Variants in DLGAP2 observed in about 807,000 individuals in gnomAD.
The protein encoded by DLGAP2 is disks large-associated protein 2.
DLGAP2 carries 26 observed loss-of-function variants against 100.3 expected under a neutral mutation model. That is an observed-to-expected ratio of 0.26 (90% CI 0.19 to 0.36). The LOEUF is 0.36. Ranked by LOEUF, DLGAP2 falls within the 10% of genes least tolerant of loss-of-function variation. The pLI is 1.00. For missense variants in DLGAP2, 1,858 were observed against 1,453.2 expected (o/e 1.28, Z -4.53); for synonymous variants, 886 against 630.1 (o/e 1.41, Z -6.08).
chr8:1,456,289 C>A (rs1798308113), intron 3 of DLGAP2, among the ~76,000 whole-genome samples: 1 of 152,236 alleles, frequency 6.6e-6, no homozygotes, highest in Non-Finnish European at 1.5e-5. Flanking sequence ...CAGAATGTTT[C>A]TACACACACG....
chr8:1,074,049 A>G (rs572105564), intron 2 of DLGAP2, among the ~76,000 whole-genome samples: 11 of 142,076 alleles, frequency 7.7e-5, no homozygotes, highest in Admixed American at 6.1e-4. Context: ...TTCAGGATTC[A>G]CTGTCACAGA....
intron 6 of DLGAP2, among the ~76,000 whole-genome samples, chr8:1,596,953 G>C (rs1478056113): frequency 2.0e-5 from 3 of 152,146 alleles, no homozygotes; most frequent in African/African-American, 7.2e-5. Flanking sequence ...CCTGTGTCCT[G>C]AATGGTATTG....
rs569126844 is a variant in DLGAP2 at position 747,747 on chromosome 8, C to T, written c.18+9922C>T. Among the ~76,000 whole-genome samples, 8 of 12,652 alleles carry T rather than the reference C, an allele frequency of 6.3e-4. 1 individual carries two copies. The highest frequency in any genetic ancestry group is 1.1e-3 in the Admixed American group (1 of 912). The allele number at this position is 12,652 out of a possible 152,430, so 8.3% of individuals were successfully genotyped here. A position where few individuals can be genotyped will look rare whatever the true frequency, so the allele number is the denominator to read the frequency against. ...TCTGCGGTGGGATGGGGGGGCTCTG[C>T]GGTGGGATGGGGGTCTCTGCGGTGG... is the stretch of plus-strand genomic sequence containing the variant. On this transcript the variant is annotated intron_variant, in intron 1 of 14. Transcript: ENST00000637795.
At chr8:756,764 GCTT>G (rs1453589433) in intron 1 of DLGAP2, among the ~76,000 whole-genome samples, 2 of 152,274 alleles carry the variant, frequency 1.3e-5, no homozygotes, top group East Asian at 3.9e-4. Context: ...CTCACCCTGA[GCTT>G]GAGTCAGGAG....
intron 2 of DLGAP2, among the ~76,000 whole-genome samples, chr8:1,088,163 G>C (rs928726583): frequency 6.6e-6 from 1 of 152,200 alleles, no homozygotes; most frequent in African/African-American, 2.4e-5. Context: ...CCTTCCAGAC[G>C]ACTTCCCATC....
intron 6 of DLGAP2, among the ~76,000 whole-genome samples, chr8:1,588,631 G>C (rs1217776543): frequency 1.3e-5 from 2 of 151,364 alleles, no homozygotes; most frequent in African/African-American, 2.4e-5. Flanking sequence ...ACAGGGTGCT[G>C]TGGCTCAGGC....
At chr8:1,227,699 C>G (rs904631246) in intron 2 of DLGAP2, among the ~76,000 whole-genome samples, 2 of 151,916 alleles carry the variant, frequency 1.3e-5, no homozygotes, top group Non-Finnish European at 2.9e-5. Context: ...CATGATGTCA[C>G]TTATATGTGG....
chr8:910,673 G>A (rs886299802), intron 2 of DLGAP2: 2 of 152,206 alleles, frequency 1.3e-5, no homozygotes, highest in Non-Finnish European at 2.9e-5. Context: ...CCTACCTGGA[G>A]TGAGCGTTGA....
intron 12 of DLGAP2, among the ~76,000 whole-genome samples, chr8:1,682,563 C>T (rs959739684): frequency 6.6e-6 from 1 of 151,954 alleles, no homozygotes; most frequent in Admixed American, 6.6e-5. Flanking sequence ...CAACCTCAGC[C>T]TCCCGAGTTC....
intron 1 of DLGAP2, among the ~76,000 whole-genome samples, chr8:799,887 G>T (rs1490726221): frequency 6.6e-6 from 1 of 152,206 alleles, no homozygotes; most frequent in Non-Finnish European, 1.5e-5. Context: ...GAGAGCCACA[G>T]CTCCCGGCCC....
At chr8:892,629 T>A (rs1798059386) in intron 1 of DLGAP2, among the ~76,000 whole-genome samples, 1 of 152,178 alleles carries the variant, frequency 6.6e-6, no homozygotes, top group East Asian at 1.9e-4. Context: ...GTGGCTTCCC[T>A]GGGTAGGTCA....
intron 2 of DLGAP2, among the ~76,000 whole-genome samples, chr8:1,055,055 C>T (rs909083332): frequency 3.9e-5 from 6 of 152,164 alleles, no homozygotes; most frequent in Non-Finnish European, 8.8e-5. Context: ...CATGTTACGA[C>T]GCACATTTAA....
chr8:1,225,550 C>G (rs1798397003), intron 2 of DLGAP2, among the ~76,000 whole-genome samples: 1 of 152,162 alleles, frequency 6.6e-6, no homozygotes, highest in Non-Finnish European at 1.5e-5. Context: ...CTACATGGAT[C>G]CCGTCAAAAT....
intron 4 of DLGAP2, among the ~76,000 whole-genome samples, chr8:1,509,855 C>G (rs946777153): frequency 6.6e-6 from 1 of 152,156 alleles, no homozygotes; most frequent in African/African-American, 2.4e-5. Context: ...TGCTCATACG[C>G]TGTGACCAGG....
chr8:825,109 G>T (rs1378051569), intron 1 of DLGAP2, among the ~76,000 whole-genome samples: 1 of 152,126 alleles, frequency 6.6e-6, no homozygotes, highest in Non-Finnish European at 1.5e-5. Context: ...TGCAGACCCT[G>T]CCAGAGGAGG....
chr8:1,428,915 T>A (rs138398098), intron 3 of DLGAP2, among the ~76,000 whole-genome samples: 3 of 152,338 alleles, frequency 2.0e-5, no homozygotes, highest in African/African-American at 4.8e-5. Context: ...TGCTTGGCTA[T>A]CTAGGGTGAG....
chr8:1,097,598 G>C (rs574864362), intron 2 of DLGAP2, among the ~76,000 whole-genome samples: 1 of 138,310 alleles, frequency 7.2e-6, no homozygotes, highest in South Asian at 2.3e-4. Context: ...GTGGCATGGA[G>C]AGGTCCCCTC....
intron 2 of DLGAP2, chr8:1,018,679 A>G (rs1013308851): frequency 6.6e-6 from 1 of 152,256 alleles, no homozygotes; most frequent in African/African-American, 2.4e-5. Flanking sequence ...CAAAGTTCAT[A>G]CTTTTTACAT....
intron 2 of DLGAP2, among the ~76,000 whole-genome samples, chr8:1,161,765 G>C (rs752458833): frequency 3.4e-4 from 52 of 151,590 alleles, no homozygotes; most frequent in Non-Finnish European, 5.9e-4. Context: ...CCTCCCCCGG[G>C]TGCCATGGTG....
Sources: gnomAD v4.1 joint callset for allele counts (sites outside exome capture counted in the v4.1 genomes callset) on GRCh38, gnomAD v4.1.1 for gene constraint, MANE v1.5 for transcripts, NCBI Gene and HGNC (gene_info 2026-07-23, HGNC 2026-07-21) for gene names.